Variants in CNTN5 observed in about 807,000 individuals in gnomAD.
CNTN5 encodes the protein contactin 5.
A neutral mutation model predicts 129.1 loss-of-function variants in CNTN5; 77 were observed. That is an observed-to-expected ratio of 0.60 (90% CI 0.50 to 0.72). The LOEUF (loss-of-function observed/expected upper bound fraction) is 0.72, where lower values mean the gene tolerates loss of function less well. Ranked by LOEUF, CNTN5 falls within the 30% of genes least tolerant of loss-of-function variation. The pLI is 0.00. For missense variants in CNTN5, 1,478 were observed against 1,328.8 expected, an observed-to-expected ratio of 1.11 and a Z score of -1.75; for synonymous variants, 509 against 465.6, an observed-to-expected ratio of 1.09 and a Z score of -1.20.
intron 3 of CNTN5, among the ~76,000 whole-genome samples, chr11:99,660,098 ATATAT>A (rs1185176655): frequency 6.6e-6 from 1 of 152,086 alleles, no homozygotes; most frequent in Non-Finnish European, 1.5e-5. Context: ...TTCACCCATA[ATATAT>A]TATATAGCTA....
chr11:100,350,549 A>G (rs1236983644), intron 23 of CNTN5, among the ~76,000 whole-genome samples, 153 bp from the exon 24 acceptor site: 3 of 151,714 alleles, frequency 2.0e-5, no homozygotes, highest in Non-Finnish European at 4.4e-5. Context: ...GTGTACTTCT[A>G]CTGCAGTAGA....
At chr11:99,486,807 G>T (rs1208584602) in intron 2 of CNTN5, among the ~76,000 whole-genome samples, 1 of 152,096 alleles carries the variant, frequency 6.6e-6, no homozygotes, top group African/African-American at 2.4e-5. Flanking sequence ...TTAACCATAA[G>T]TTATAAAGTG....
intron 1 of CNTN5, among the ~76,000 whole-genome samples, chr11:99,083,857 T>C (rs1865900165): frequency 1.3e-5 from 2 of 152,172 alleles, no homozygotes; most frequent in South Asian, 4.1e-4. Context: ...TGAGGCCTCA[T>C]CACTGTATTC....
At chr11:99,117,466 A>G (rs2135398087) in intron 1 of CNTN5, among the ~76,000 whole-genome samples, 1 of 152,178 alleles carries the variant, frequency 6.6e-6, no homozygotes, top group East Asian at 1.9e-4. Context: ...TATACTACGT[A>G]TTTTTGAGTA....
intron 3 of CNTN5, among the ~76,000 whole-genome samples, chr11:99,812,252 G>A (rs2135522780): frequency 6.6e-6 from 1 of 152,040 alleles, no homozygotes; most frequent in Admixed American, 6.6e-5. Context: ...TTTGTTTTTG[G>A]GAATACACCT....
intron 2 of CNTN5, among the ~76,000 whole-genome samples, chr11:99,500,904 G>C (rs1374968097): frequency 6.6e-6 from 1 of 151,982 alleles, no homozygotes; most frequent in Non-Finnish European, 1.5e-5. Context: ...TATACTCCTA[G>C]CAAAGCTATA....
intron 1 of CNTN5, among the ~76,000 whole-genome samples, chr11:99,046,026 G>C (rs1474617113): frequency 6.6e-6 from 1 of 152,098 alleles, no homozygotes; most frequent in Non-Finnish European, 1.5e-5. Context: ...TGTGTATAGA[G>C]ACCTGTAACT....
intron 1 of CNTN5, among the ~76,000 whole-genome samples, chr11:99,080,310 G>A (rs1379895384): frequency 6.6e-6 from 1 of 152,152 alleles, no homozygotes; most frequent in East Asian, 1.9e-4. Flanking sequence ...ATCTGAATAC[G>A]CCATTACATA....
intron 2 of CNTN5, among the ~76,000 whole-genome samples, chr11:99,425,866 C>A (rs1354997663): frequency 1.3e-5 from 2 of 152,262 alleles, no homozygotes; most frequent in Admixed American, 6.5e-5. Flanking sequence ...TCCTCCCCCA[C>A]TGCAGCCAGT....
rs966007617 is a variant in CNTN5 at position 99,783,133 on chromosome 11, A to AACAG, written c.56-36408_56-36407insGACA. 2.5e-5 allele frequency among the ~76,000 whole-genome samples: 2 copies of AACAG among 79,320 alleles called. 1 individual carries two copies. The highest frequency in any genetic ancestry group is 5.3e-5 in the Non-Finnish European group (2 of 37,992). The allele number at this position is 79,320 out of a possible 152,430, so 52.0% of individuals were successfully genotyped here. On this transcript the variant is annotated intron_variant, in intron 3 of 24. Coordinates refer to ENST00000524871, the MANE Select transcript of CNTN5 (RefSeq NM_014361.4). The stretch of plus-strand genomic sequence containing the variant: ...AACTCAAACAAATTTACAAGAAAAA[A>AACAG]ACAACCCCATCAAAAAGTGGGCGAA...
chr11:100,315,078 G>A, intron 21 of CNTN5, among the ~76,000 whole-genome samples: 1 of 152,036 alleles, frequency 6.6e-6, no homozygotes, highest in Non-Finnish European at 1.5e-5. Context: ...TCCTCAACTA[G>A]GGTCTTGATC....
intron 1 of CNTN5, among the ~76,000 whole-genome samples, chr11:99,068,525 C>T (rs1390722414): frequency 6.6e-6 from 1 of 152,120 alleles, no homozygotes; most frequent in Non-Finnish European, 1.5e-5. Context: ...GATATTAATA[C>T]CATGCCTTGA....
At chr11:99,844,286 G>A (rs566142596) in intron 4 of CNTN5, among the ~76,000 whole-genome samples, 117 of 152,136 alleles carry the variant, frequency 7.7e-4, no homozygotes, top group African/African-American at 2.7e-3. Context: ...TTTTTTGAAA[G>A]CATGTCTTAT....
At chr11:100,147,069 C>G (rs1777062967) in intron 13 of CNTN5, among the ~76,000 whole-genome samples, 1 of 152,042 alleles carries the variant, frequency 6.6e-6, no homozygotes, top group Admixed American at 6.6e-5. Flanking sequence ...ATGCCTCTTT[C>G]TCTACAGGAT....
chr11:99,186,582 G>A (rs189397849), intron 1 of CNTN5, among the ~76,000 whole-genome samples: 78 of 152,076 alleles, frequency 5.1e-4, no homozygotes, highest in African/African-American at 1.7e-3. Context: ...ACCACTGTAA[G>A]AGAATGGTTA....
chr11:99,765,128 A>G (rs1041551543), intron 3 of CNTN5, among the ~76,000 whole-genome samples: 2 of 152,112 alleles, frequency 1.3e-5, no homozygotes, highest in Non-Finnish European at 2.9e-5. Context: ...ATATTATTAC[A>G]TGTCAAATAC....
chr11:99,357,943 G>T (rs1938798660), intron 2 of CNTN5, among the ~76,000 whole-genome samples: 1 of 151,016 alleles, frequency 6.6e-6, no homozygotes, highest in Non-Finnish European at 1.5e-5. Context: ...GGCGGAGGTT[G>T]CAGTAAGCCG....
intron 9 of CNTN5, among the ~76,000 whole-genome samples, chr11:100,015,703 T>TA (rs139558082): frequency 0.021 from 3,174 of 152,222 alleles, 47 homozygotes; most frequent in Non-Finnish European, 0.032. Flanking sequence ...CACTTAATTT[T>TA]AAAAAACAAT....
chr11:99,964,520 G>C (rs1003716937), intron 8 of CNTN5, among the ~76,000 whole-genome samples: 2 of 152,156 alleles, frequency 1.3e-5, no homozygotes, highest in Non-Finnish European at 2.9e-5. Context: ...ACTTGATAGT[G>C]GTGGATAAGC....
Sources: gnomAD v4.1 joint callset for allele counts (sites outside exome capture counted in the v4.1 genomes callset) on GRCh38, gnomAD v4.1.1 for gene constraint, MANE v1.5 for transcripts, NCBI Gene and HGNC (gene_info 2026-07-23, HGNC 2026-07-21) for gene names.